ASZ1: variants seen among roughly 807,000 people sequenced by gnomAD.
ASZ1 encodes ankyrin repeat, SAM and basic leucine zipper domain containing 1.
A neutral mutation model predicts 61.8 loss-of-function variants in ASZ1; 67 were observed. The ratio of observed to expected loss-of-function variants is 1.08; its 90% CI spans 0.89 to 1.33. The LOEUF (loss-of-function observed/expected upper bound fraction) is 1.33. ASZ1 is among the 40% of genes most tolerant of loss of function. The probability of loss-of-function intolerance (pLI) is 0.00; values close to 1 mark genes in which losing one functional copy is unlikely to be tolerated. For missense variants in ASZ1, 577 were observed against 554.5 expected (o/e 1.04, Z -0.41); for synonymous variants, 193 against 192.7 (o/e 1.00, Z -0.01).
chr7:117,383,394 T>C (rs1376070130), intron 6 of ASZ1, among the ~76,000 whole-genome samples: 1 of 151,882 alleles, frequency 6.6e-6, no homozygotes, highest in Non-Finnish European at 1.5e-5. Flanking sequence ...TAACCTACAA[T>C]AATCAGAAAA....
chr7:117,385,886 C>G, intron 4 of ASZ1, 77 bp from the exon 5 acceptor site: 2 of 1,175,176 alleles, frequency 1.7e-6, no homozygotes, highest in African/African-American at 3.0e-5. Context: ...TAACCATACA[C>G]AATACCACCA....
intron 4 of ASZ1, among the ~76,000 whole-genome samples, chr7:117,405,231 T>G (rs1043077767): frequency 2.0e-5 from 3 of 152,196 alleles, no homozygotes; most frequent in Non-Finnish European, 1.5e-5. Flanking sequence ...AGCCTGACAG[T>G]TGAAGACTCT....
At chr7:117,412,780 C>CT (rs139694190) in intron 4 of ASZ1, among the ~76,000 whole-genome samples, 3,449 of 150,572 alleles carry the variant, frequency 0.023, 127 homozygotes, top group African/African-American at 0.079. Flanking sequence ...AAAAAAAAAT[C>CT]TTTTTTTTTA....
At chr7:117,365,599 GT>G (rs1231284905) in intron 12 of ASZ1, among the ~76,000 whole-genome samples, 2 of 152,306 alleles carry the variant, frequency 1.3e-5, no homozygotes, top group East Asian at 1.9e-4. Context: ...AAAGGCTGAT[GT>G]TTTGCAAGAA....
intron 3 of ASZ1, among the ~76,000 whole-genome samples, chr7:117,420,964 G>A (rs940502098): frequency 1.3e-5 from 2 of 152,138 alleles, no homozygotes; most frequent in Non-Finnish European, 2.9e-5. Context: ...TGTAACTCTT[G>A]TGATATCTTA....
At chr7:117,424,208 CA>C (rs1313155442) in intron 2 of ASZ1, among the ~76,000 whole-genome samples, 1 of 152,066 alleles carries the variant, frequency 6.6e-6, no homozygotes, top group Admixed American at 6.5e-5. Flanking sequence ...TGATAGTACA[CA>C]GAATAACAAA....
At chr7:117,386,065 C>T (rs776102708) in intron 4 of ASZ1, among the ~76,000 whole-genome samples, 1 of 152,094 alleles carries the variant, frequency 6.6e-6, no homozygotes, top group Non-Finnish European at 1.5e-5. Flanking sequence ...ATGAAATAAG[C>T]CACGCTTTCT....
At chr7:117,416,647 A>G (rs1796999138) in intron 4 of ASZ1, among the ~76,000 whole-genome samples, 2 of 152,202 alleles carry the variant, frequency 1.3e-5, no homozygotes, top group Admixed American at 1.3e-4. Flanking sequence ...GACACAATGG[A>G]ACTTTCTGGA....
chr7:117,379,168 T>TATATATATATATACACACAC (rs1161457624), intron 10 of ASZ1, among the ~76,000 whole-genome samples: 2 of 69,724 alleles, frequency 2.9e-5, no homozygotes, highest in African/African-American at 1.1e-4. Context: ...TATATATATA[T>TATATATATATATACACACAC]ACACACACAC....
At chr7:117,414,811 C>T (rs1261808125) in intron 4 of ASZ1, among the ~76,000 whole-genome samples, 2 of 152,128 alleles carry the variant, frequency 1.3e-5, no homozygotes, top group African/African-American at 4.8e-5. Context: ...AGGACATGAA[C>T]TCATCCTTTT....
At chr7:117,414,944 T>G (rs111899486) in intron 4 of ASZ1, among the ~76,000 whole-genome samples, 50 of 145,152 alleles carry the variant, frequency 3.4e-4, no homozygotes, top group African/African-American at 1.3e-3. Context: ...AATAAACATA[T>G]GTGTGCACAT....
At chr7:117,372,879 C>T (rs540845298) in intron 10 of ASZ1, among the ~76,000 whole-genome samples, 1 of 152,120 alleles carries the variant, frequency 6.6e-6, no homozygotes, top group African/African-American at 2.4e-5. Flanking sequence ...AGTATTTTCC[C>T]ATGACATTAA....
chr7:117,419,993 TG>T (rs1394272704), intron 4 of ASZ1, among the ~76,000 whole-genome samples, 169 bp downstream of exon 4: 1 of 152,194 alleles, frequency 6.6e-6, no homozygotes, highest in Non-Finnish European at 1.5e-5. Flanking sequence ...ACTACTTTCA[TG>T]ATATCCCCTT....
intron 4 of ASZ1, among the ~76,000 whole-genome samples, chr7:117,397,236 G>A (rs187089058): frequency 9.4e-4 from 142 of 151,766 alleles, no homozygotes; most frequent in South Asian, 4.2e-4. Flanking sequence ...GAACCGAACC[G>A]AACCGAACCA....
At chr7:117,387,307 TCAACAACAA>T (rs3034755) in intron 4 of ASZ1, among the ~76,000 whole-genome samples, 111 of 147,382 alleles carry the variant, frequency 7.5e-4, no homozygotes, top group South Asian at 1.5e-3. Flanking sequence ...AGACCCTGTC[TCAACAACAA>T]CAACAACAAC....
Position 117,402,933 on chromosome 7 carries a change from G to A in ASZ1, c.441-17124C>T, listed in dbSNP as rs1796707781. ...AACCTCCATTACTAACCCAAAGGTG[G>A]GGCTGCAGTTTGTGAGGTAGAAAAA... On this transcript the variant is annotated intron_variant, in intron 4 of 12. Transcript: ENST00000284629. Among the ~76,000 whole-genome samples, 10 of 139,508 alleles carry A rather than the reference G, an allele frequency of 7.2e-5. No homozygotes were observed. In the Admixed American group the frequency reaches 7.5e-4, roughly 10 times the overall value. The allele number at this position is 139,508 out of a possible 152,430, so 91.5% of individuals were successfully genotyped here. A position where few individuals can be genotyped will look rare whatever the true frequency, so the allele number is the denominator to read the frequency against.
chr7:117,419,056 C>T (rs1797052311), intron 4 of ASZ1, among the ~76,000 whole-genome samples: 1 of 152,152 alleles, frequency 6.6e-6, no homozygotes, highest in Admixed American at 6.5e-5. Context: ...TGGCCCTTCT[C>T]ACACTAGATC....
intron 11 of ASZ1, chr7:117,367,728 A>G (rs1795970405): frequency 1.1e-6 from 1 of 949,774 alleles, no homozygotes; most frequent in South Asian, 5.0e-5. Context: ...ATGATGAACA[A>G]ATCAGTTCAT....
chr7:117,397,701 T>C (rs961457871), intron 4 of ASZ1, among the ~76,000 whole-genome samples: 14 of 152,228 alleles, frequency 9.2e-5, no homozygotes, highest in African/African-American at 3.4e-4. Flanking sequence ...GGCCAATTCA[T>C]GCTAACTTCC....
Sources: allele counts gnomAD v4.1 joint callset (sites outside exome capture counted in the v4.1 genomes callset), GRCh38; gene constraint gnomAD v4.1.1; transcripts MANE v1.5; gene names NCBI Gene and HGNC (gene_info 2026-07-23, HGNC 2026-07-21).